The following CDK14 variants were observed in gnomAD, a reference collection of about 807,000 sequenced individuals.
CDK14 encodes cyclin dependent kinase 14, also known as cyclin-dependent kinase 14.
CDK14 carries 34 observed loss-of-function variants against 60.7 expected under a neutral mutation model. The observed-to-expected ratio is 0.56, with a 90% confidence interval of 0.43 to 0.75. The LOEUF (loss-of-function observed/expected upper bound fraction) is 0.75, where lower values mean the gene tolerates loss of function less well. Ranked by LOEUF, CDK14 falls within the 30% of genes least tolerant of loss-of-function variation. The pLI, the probability that CDK14 is intolerant of heterozygous loss-of-function variation, is 0.00. For missense variants in CDK14, 482 were observed against 564.1 expected (o/e 0.85, Z 1.47); for synonymous variants, 197 against 203.7 (o/e 0.97, Z 0.28).
chr7:90,681,005 C>T (rs993457637), intron 2 of CDK14, among the ~76,000 whole-genome samples: 1 of 152,074 alleles, frequency 6.6e-6, no homozygotes, highest in Admixed American at 6.6e-5. Context: ...ACAGATAGTA[C>T]ATTGTGGAGT....
chr7:91,173,041 C>G (rs1801577489), intron 14 of CDK14, among the ~76,000 whole-genome samples: 1 of 152,170 alleles, frequency 6.6e-6, no homozygotes, highest in African/African-American at 2.4e-5. Flanking sequence ...TCCTTCTTTT[C>G]TAATGGCCTT....
chr7:90,901,301 A>C (rs1434371609), intron 7 of CDK14, among the ~76,000 whole-genome samples: 1 of 152,176 alleles, frequency 6.6e-6, no homozygotes, highest in Non-Finnish European at 1.5e-5. Context: ...TAGTCAGTGT[A>C]GAAATAATGT....
At chr7:90,984,985 A>C (rs1795333806) in intron 10 of CDK14, among the ~76,000 whole-genome samples, 1 of 152,202 alleles carries the variant, frequency 6.6e-6, no homozygotes, top group African/African-American at 2.4e-5. Flanking sequence ...CTCCTGGATG[A>C]AATACTAGAA....
chr7:90,754,110 A>G (rs965989158), intron 4 of CDK14, among the ~76,000 whole-genome samples: 3 of 152,226 alleles, frequency 2.0e-5, no homozygotes, highest in African/African-American at 7.2e-5. Flanking sequence ...GTTGTTTTTC[A>G]CAGAATTAGA....
At chr7:90,825,629 A>T (rs536421356) in intron 5 of CDK14, among the ~76,000 whole-genome samples, 3 of 152,226 alleles carry the variant, frequency 2.0e-5, no homozygotes. Flanking sequence ...ATTTCTTTGT[A>T]TAACCTTAAA....
rs368151673 is a variant in CDK14 at position 91,112,636 on chromosome 7, G to A, written c.1249G>A (p.Glu417Lys). The A allele has an allele frequency of 6.8e-6, 11 of 1,613,534 alleles. No homozygotes were observed. In the African/African-American group the frequency reaches 9.4e-5, roughly 14 times the overall value. Residue 417 changes from glutamate to lysine, a missense_variant, in exon 13 of 15, where the codon GAG becomes AAG. By Grantham distance (56) the Glu-to-Lys change is moderately conservative (BLOSUM62 1). Coordinates refer to ENST00000380050, the MANE Select transcript of CDK14 (RefSeq NM_001287135.2). ...GTCGGCACAGGCTGCCTTGAGCCACGAGTATTTTAGTGACCTGCCGCCACG... is the reference window on the plus strand; with the variant it reads ...GTCGGCACAGGCTGCCTTGAGCCACAAGTATTTTAGTGACCTGCCGCCACG... ...RLSAQAALSHEYFSDLPPRLW... is the reference protein window; with the variant it reads ...RLSAQAALSHKYFSDLPPRLW...
chr7:90,670,008 A>T (rs1187159460), intron 2 of CDK14, among the ~76,000 whole-genome samples: 1 of 152,200 alleles, frequency 6.6e-6, no homozygotes, highest in Non-Finnish European at 1.5e-5. Flanking sequence ...GTTTTTCTGT[A>T]AACAACAAAA....
chr7:91,125,525 A>C (rs1799914260), intron 14 of CDK14, among the ~76,000 whole-genome samples: 2 of 152,252 alleles, frequency 1.3e-5, no homozygotes, highest in Admixed American at 1.3e-4. Context: ...TTTCTCTGCT[A>C]ACCAACGCAT....
intron 14 of CDK14, among the ~76,000 whole-genome samples, chr7:91,137,607 A>G (rs1192101403): frequency 6.6e-6 from 1 of 152,112 alleles, no homozygotes; most frequent in African/African-American, 2.4e-5. Context: ...AGTTAACTAC[A>G]TGCACTGTGC....
At chr7:90,662,191 G>C (rs2106133) in intron 2 of CDK14, among the ~76,000 whole-genome samples, 46,366 of 151,998 alleles carry the variant, frequency 0.31, 7,956 homozygotes, top group East Asian at 0.67. Flanking sequence ...TAAACCACAG[G>C]CATTTAGAAC....
At chr7:90,979,432 C>A (rs1430469320) in intron 9 of CDK14, 1 of 152,178 alleles carries the variant, frequency 6.6e-6, no homozygotes, top group African/African-American at 2.4e-5. Context: ...ACTTTTCTAG[C>A]CCTTTCAGGC....
At chr7:90,619,627 C>T (rs1410526197) in intron 2 of CDK14, among the ~76,000 whole-genome samples, 1 of 152,096 alleles carries the variant, frequency 6.6e-6, no homozygotes, top group Non-Finnish European at 1.5e-5. Flanking sequence ...TTTTTTAAAG[C>T]TTGCTGTGTG....
At chr7:91,159,505 A>T (rs1801099737) in intron 14 of CDK14, among the ~76,000 whole-genome samples, 1 of 152,232 alleles carries the variant, frequency 6.6e-6, no homozygotes, top group Non-Finnish European at 1.5e-5. Flanking sequence ...AATCTAAAAT[A>T]GATCTAATTA....
At chr7:90,644,926 C>A (rs1199598033) in intron 2 of CDK14, among the ~76,000 whole-genome samples, 1 of 152,156 alleles carries the variant, frequency 6.6e-6, no homozygotes, top group Non-Finnish European at 1.5e-5. Flanking sequence ...TTTCTTTTTG[C>A]ATAAAGATTA....
chr7:90,968,168 C>T (rs1477872979), intron 9 of CDK14, among the ~76,000 whole-genome samples: 1 of 151,878 alleles, frequency 6.6e-6, no homozygotes, highest in Non-Finnish European at 1.5e-5. Flanking sequence ...ATTTTAGATG[C>T]TATATTATGT....
intron 14 of CDK14, among the ~76,000 whole-genome samples, chr7:91,158,166 T>G (rs1801044860): frequency 1.4e-5 from 2 of 148,108 alleles, no homozygotes; most frequent in South Asian, 4.2e-4. Flanking sequence ...ATTAAATATA[T>G]TATACATTAA....
rs533690033 is a variant in CDK14, at chr7:90,948,612, A to G, written c.827-7085A>G. ...GCCTATGGGTCAGATGGTCTCTGTC[A>G]ACTATTCAGCTCAGCTGTTTAGTGC... On this transcript the variant is annotated intron_variant, in intron 8 of 14. Transcript: ENST00000380050. Among the ~76,000 whole-genome samples the G allele has an allele frequency of 1.8e-4, 27 of 152,376 alleles. No individual in the cohort carries two copies. In the South Asian group the frequency reaches 5.6e-3, roughly 32 times the overall value.
At chr7:91,152,282 C>G (rs956525828) in intron 14 of CDK14, among the ~76,000 whole-genome samples, 1 of 152,112 alleles carries the variant, frequency 6.6e-6, no homozygotes, top group Admixed American at 6.6e-5. Flanking sequence ...TCTTTTTTGT[C>G]TCCTTCACTT....
chr7:90,763,643 C>T (rs1804418198), intron 4 of CDK14, among the ~76,000 whole-genome samples: 1 of 133,546 alleles, frequency 7.5e-6, no homozygotes, highest in African/African-American at 2.8e-5. Flanking sequence ...GGGTGGGGAA[C>T]ATCACACACT....
Sources: allele counts gnomAD v4.1 joint callset (sites outside exome capture counted in the v4.1 genomes callset), GRCh38; gene constraint gnomAD v4.1.1; transcripts MANE v1.5; gene names NCBI Gene and HGNC (gene_info 2026-07-23, HGNC 2026-07-21).